ZEB1: variants seen among roughly 807,000 people sequenced by gnomAD.
The protein encoded by ZEB1 is zinc finger E-box binding homeobox 1.
A neutral mutation model predicts 84.9 loss-of-function variants in ZEB1; 21 were observed. The observed-to-expected ratio is 0.25, with a 90% CI of 0.18 to 0.36. The LOEUF is 0.36. Ranked by LOEUF, ZEB1 falls within the 10% of genes least tolerant of loss-of-function variation. The pLI is 1.00. For synonymous variants in ZEB1, 420 were observed against 471.1 expected (o/e 0.89, Z 1.41); for missense variants, 1,104 against 1,330.2 (o/e 0.83, Z 2.65).
At chr10:31,457,867 A>T (rs1453979456) in intron 1 of ZEB1, among the ~76,000 whole-genome samples, 1 of 152,178 alleles carries the variant, frequency 6.6e-6, no homozygotes, top group African/African-American at 2.4e-5. Flanking sequence ...AATACTCTAG[A>T]TATAAATGTG....
chr10:31,429,782 C>T (rs1214287462), intron 1 of ZEB1, among the ~76,000 whole-genome samples: 2 of 121,508 alleles, frequency 1.6e-5, no homozygotes, highest in Non-Finnish European at 3.2e-5. Context: ...TCACTCTTGT[C>T]CCCCAGGCTG....
At chr10:31,511,104 G>C (rs2069910039) in intron 5 of ZEB1, among the ~76,000 whole-genome samples, 1 of 152,116 alleles carries the variant, frequency 6.6e-6, no homozygotes, top group South Asian at 2.1e-4. Flanking sequence ...ATTTTGTTCA[G>C]GTAAGACCCT....
chr10:31,473,194 G>A (rs2063529991), intron 2 of ZEB1, among the ~76,000 whole-genome samples: 1 of 151,338 alleles, frequency 6.6e-6, no homozygotes, highest in Non-Finnish European at 1.5e-5. Flanking sequence ...ACATAGTGTT[G>A]GAATTTCTGG....
chr10:31,401,787 T>C lies in ZEB1; in HGVS notation c.59-59250T>C, dbSNP rs1297553579. On this transcript the variant is annotated intron_variant, in intron 1 of 8. Coordinates refer to ENST00000424869, the MANE Select transcript of ZEB1 (RefSeq NM_001174096.2). ...CTTTTATATGGTAATTTTTCTGATA[T>C]ATTTTTAACCAGATGCCTTTAGAAT... Among the ~76,000 whole-genome samples the C allele has an allele frequency of 1.3e-5, 2 of 152,210 alleles. 1 individual carries two copies. The highest frequency in any genetic ancestry group is 2.9e-5 in the Non-Finnish European group (2 of 68,018).
rs1032487446 is a variant in ZEB1 at position 31,449,267 on chromosome 10, C to T, written c.59-11770C>T. ...GGTGAGGCAATGCCTCGCCCTGCTT[C>T]GGCTTGCGCACAGTGCGCGCACCCA... On this transcript the variant is annotated intron_variant, in intron 1 of 8. Coordinates refer to ENST00000424869, the MANE Select transcript of ZEB1 (RefSeq NM_001174096.2). Among the ~76,000 whole-genome samples, 123 of 151,638 alleles carry T rather than the reference C, an allele frequency of 8.1e-4. 2 individuals carry two copies. Among genetic ancestry groups the T allele is most frequent in the African/African-American group, 2.0e-3 (82 of 41,412 alleles).
intron 8 of ZEB1, among the ~76,000 whole-genome samples, chr10:31,526,398 C>G (rs990748411): frequency 6.6e-6 from 1 of 152,118 alleles, no homozygotes; most frequent in Non-Finnish European, 1.5e-5. Context: ...TTTTCCACCT[C>G]GCTGTCATGA....
chr10:31,471,946 T>C (rs981361631), intron 2 of ZEB1, among the ~76,000 whole-genome samples: 1 of 138,748 alleles, frequency 7.2e-6, no homozygotes, highest in African/African-American at 3.4e-5. Flanking sequence ...CTGAACAACC[T>C]GCTCCTGAAT....
chr10:31,468,956 A>G (rs376770407), intron 2 of ZEB1, among the ~76,000 whole-genome samples: 9 of 152,358 alleles, frequency 5.9e-5, no homozygotes, highest in African/African-American at 2.2e-4. Context: ...ATGACAGATA[A>G]AGAATTTAAG....
intron 1 of ZEB1, among the ~76,000 whole-genome samples, chr10:31,407,307 C>T (rs959826126): frequency 1.4e-5 from 2 of 142,144 alleles, no homozygotes; most frequent in African/African-American, 5.3e-5. Context: ...CATGTGTTCT[C>T]ATTCTTCAAT....
chr10:31,386,630 T>G (rs1234419912), intron 1 of ZEB1, among the ~76,000 whole-genome samples: 4 of 152,286 alleles, frequency 2.6e-5, no homozygotes, highest in Non-Finnish European at 4.4e-5. Flanking sequence ...CTACTGTTGA[T>G]TCATACTAAA....
In ZEB1 at chr10:31,520,108, G is replaced by A. The variant is rs1480522728; in HGVS notation, c.794-18G>A. On this transcript the variant is annotated intron_variant, in intron 6 of 8. Coordinates refer to ENST00000424869, the MANE Select transcript of ZEB1 (RefSeq NM_001174096.2). The surrounding 1 kb of genome is among the most constrained non-coding windows in gnomAD (Gnocchi z 5.1). ...TGTAATAATTCAGTGAATATAATTT[G>A]TTTGTTTGTTTGTTTAGGAGAGAAG... 6.2e-7 allele frequency: 1 copy of A among 1,607,980 alleles called. No individual in the cohort carries two copies. The highest frequency in any genetic ancestry group is 8.5e-7 in the Non-Finnish European group (1 of 1,176,512).
chr10:31,481,282 T>C (rs966971198), intron 2 of ZEB1, among the ~76,000 whole-genome samples: 1 of 151,978 alleles, frequency 6.6e-6, no homozygotes, highest in Non-Finnish European at 1.5e-5. Flanking sequence ...AAAATATAGA[T>C]GGGGTATGTT....
chr10:31,497,006 C>T (rs1250189430), intron 3 of ZEB1, among the ~76,000 whole-genome samples: 3 of 152,072 alleles, frequency 2.0e-5, no homozygotes, highest in East Asian at 3.9e-4. Flanking sequence ...GTATAGCCTG[C>T]GATTTTATGT....
At position 31,437,628 on chromosome 10, in the gene ZEB1, A is replaced by G. The variant is rs1323109735; in HGVS notation, c.59-23409A>G. Among the ~76,000 whole-genome samples the G allele has an allele frequency of 5.3e-5, 8 of 152,158 alleles. No individual in the cohort carries two copies. In the East Asian group the frequency reaches 1.5e-3, roughly 29 times the overall value. Reference sequence around the variant, plus strand: ...ATTTGGCTCTCAGGAAAGCTCCCAGAAAGGAAGTCTCCTAGTTGGCAACCA... The same window carrying G: ...ATTTGGCTCTCAGGAAAGCTCCCAGGAAGGAAGTCTCCTAGTTGGCAACCA... On this transcript the variant is annotated intron_variant, in intron 1 of 8. Transcript: ENST00000424869.
intron 7 of ZEB1, among the ~76,000 whole-genome samples, chr10:31,523,617 A>C (rs2072820969): frequency 6.6e-6 from 1 of 152,236 alleles, no homozygotes; most frequent in African/African-American, 2.4e-5. Context: ...GAAACTAGGT[A>C]AACTCTGTTA....
intron 2 of ZEB1, among the ~76,000 whole-genome samples, chr10:31,480,871 A>T (rs1232885077): frequency 1.3e-5 from 2 of 152,096 alleles, no homozygotes; most frequent in Non-Finnish European, 2.9e-5. Context: ...CTCATTCATA[A>T]TAGTTTTATT....
At chr10:31,504,453 G>A (rs766460109) in intron 4 of ZEB1, among the ~76,000 whole-genome samples, 3 of 151,758 alleles carry the variant, frequency 2.0e-5, no homozygotes, top group South Asian at 2.1e-4. Context: ...TTGTGGTTCC[G>A]TAAAAGTTTT....
chr10:31,358,566 C>T (rs2042486236), intron 1 of ZEB1: 1 of 152,078 alleles, frequency 6.6e-6, no homozygotes, highest in African/African-American at 2.4e-5. Context: ...AGTATATTTT[C>T]TCTCAGCTCT....
At chr10:31,456,555 C>T (rs1170533894) in intron 1 of ZEB1, among the ~76,000 whole-genome samples, 1 of 152,124 alleles carries the variant, frequency 6.6e-6, no homozygotes, top group East Asian at 1.9e-4. Context: ...TAAGTATACA[C>T]ACAAAAGTTT....
Sources: allele counts gnomAD v4.1 joint callset (sites outside exome capture counted in the v4.1 genomes callset), GRCh38; gene constraint gnomAD v4.1.1; non-coding constraint Gnocchi (gnomAD v3.1); transcripts MANE v1.5; gene names NCBI Gene and HGNC (gene_info 2026-07-23, HGNC 2026-07-21).